Variants in NPHP4 observed in about 807,000 individuals in gnomAD.
The protein encoded by NPHP4 is nephrocystin-4.
A neutral mutation model predicts 155.8 loss-of-function variants in NPHP4; 151 were observed. The ratio of observed to expected loss-of-function variants is 0.97; its 90% confidence interval spans 0.85 to 1.11. The LOEUF is 1.11. NPHP4 is among the 50% of genes least tolerant of loss of function. The probability of loss-of-function intolerance (pLI) is 0.00; values close to 1 mark genes in which losing one functional copy is unlikely to be tolerated. For missense variants in NPHP4, 1,956 were observed against 1,925.7 expected (o/e 1.02, Z -0.29); for synonymous variants, 845 against 816.8 (o/e 1.03, Z -0.59).
chr1:5,868,039 G>A (rs759062876), intron 23 of NPHP4, 143 bp from the exon 24 acceptor site: 28 of 889,730 alleles, frequency 3.1e-5, no homozygotes, highest in Non-Finnish European at 4.1e-5. Context: ...GTCGGGCATC[G>A]TCAAAGGCAG....
chr1:5,946,135 G>T (rs1016980767), intron 9 of NPHP4, among the ~76,000 whole-genome samples: 1 of 152,096 alleles, frequency 6.6e-6, no homozygotes, highest in Non-Finnish European at 1.5e-5. Flanking sequence ...CCGTGTAGGG[G>T]TCAGTACTAC....
At chr1:5,915,544 G>C (rs1209564251) in intron 11 of NPHP4, among the ~76,000 whole-genome samples, 3 of 152,126 alleles carry the variant, frequency 2.0e-5, no homozygotes, top group Non-Finnish European at 4.4e-5. Flanking sequence ...GAGATCAAGG[G>C]GCAACTGGAT....
intron 16 of NPHP4, among the ~76,000 whole-genome samples, chr1:5,891,261 A>T (rs560798802): frequency 6.6e-6 from 1 of 152,234 alleles, no homozygotes; most frequent in Non-Finnish European, 1.5e-5. Flanking sequence ...TCCCAAAATA[A>T]GATTTATGGT....
At chr1:5,967,084 C>T (rs1651659384) in intron 5 of NPHP4, among the ~76,000 whole-genome samples, 1 of 152,252 alleles carries the variant, frequency 6.6e-6, no homozygotes, top group Non-Finnish European at 1.5e-5. Context: ...CTCATCCCCA[C>T]AAACCAATGC....
chr1:5,969,062 A>G, intron 4 of NPHP4, 25 bp downstream of exon 4: 3 of 1,471,286 alleles, frequency 2.0e-6, no homozygotes, highest in South Asian at 2.5e-5. Context: ...GGAAAACCCC[A>G]GGGTTGTAGA....
At chr1:5,990,746 G>C (rs976353903) in intron 1 of NPHP4, among the ~76,000 whole-genome samples, 1 of 152,192 alleles carries the variant, frequency 6.6e-6, no homozygotes, top group Non-Finnish European at 1.5e-5. Context: ...GGAGAAGAGA[G>C]GCCCAGAGGG....
At chr1:5,950,063 TGTTTAAGAGAGGA>T (rs1404205460) in intron 7 of NPHP4, among the ~76,000 whole-genome samples, 1 of 152,126 alleles carries the variant, frequency 6.6e-6, no homozygotes, top group East Asian at 1.9e-4. Context: ...TGGAGGCAGA[TGTTTAAGAGAGGA>T]GTTTAAGAGA....
At chr1:5,904,212 G>A (rs1225018540) in intron 16 of NPHP4, among the ~76,000 whole-genome samples, 1 of 152,056 alleles carries the variant, frequency 6.6e-6, no homozygotes, top group Non-Finnish European at 1.5e-5. Context: ...CCTTATTTCT[G>A]GACAAACTTA....
chr1:5,938,074 C>T (rs1381045228), intron 9 of NPHP4, among the ~76,000 whole-genome samples: 2 of 152,220 alleles, frequency 1.3e-5, no homozygotes, highest in African/African-American at 4.8e-5. Flanking sequence ...CCGCACACGG[C>T]GGGTGGCACA....
At chr1:5,956,309 C>T (rs756414171) in intron 6 of NPHP4, among the ~76,000 whole-genome samples, 14 of 152,332 alleles carry the variant, frequency 9.2e-5, no homozygotes, top group Non-Finnish European at 1.5e-4. Context: ...AGGGTGCACA[C>T]GCACCCCCAG....
intron 6 of NPHP4, among the ~76,000 whole-genome samples, chr1:5,955,502 T>C (rs942096003): frequency 2.0e-5 from 3 of 152,214 alleles, no homozygotes; most frequent in Admixed American, 2.0e-4. Flanking sequence ...CATCAATGGA[T>C]GAATGCATAA....
At chr1:5,870,327 G>A (rs1447153385) in intron 23 of NPHP4, among the ~76,000 whole-genome samples, 1 of 152,154 alleles carries the variant, frequency 6.6e-6, no homozygotes, top group Non-Finnish European at 1.5e-5. Flanking sequence ...AATAATGATA[G>A]TAACAAAATG....
rs774015371 is a variant in NPHP4, at chr1:5,905,591, A to G, written c.1763+41T>C. ...ACAAGGTCCAACAGTCTGACGGCAC[A>G]GCACGTGACTGGTTCCATCCCACCC... On this transcript the variant is annotated intron_variant, in intron 14 of 29. Transcript: ENST00000378156. The surrounding 1 kb of genome is among the most constrained non-coding windows in gnomAD (Gnocchi z 4.0). 6.2e-7 allele frequency: 1 copy of G among 1,612,112 alleles called. No homozygotes were observed. The highest frequency in any genetic ancestry group is 1.7e-5 in the Admixed American group (1 of 59,850).
intron 6 of NPHP4, among the ~76,000 whole-genome samples, chr1:5,956,170 C>T (rs1288991814): frequency 6.6e-6 from 1 of 152,102 alleles, no homozygotes; most frequent in Non-Finnish European, 1.5e-5. Context: ...ATGGGTGCCC[C>T]ATCTCAAGAG....
At chr1:5,945,578 A>G (rs1032922831) in intron 9 of NPHP4, among the ~76,000 whole-genome samples, 16 of 151,942 alleles carry the variant, frequency 1.1e-4, no homozygotes, top group Non-Finnish European at 1.3e-4. Flanking sequence ...GAAACACCAA[A>G]TGGCAGCTAC....
At position 5,862,915 on chromosome 1, in the gene NPHP4, G is replaced by A. The variant is rs900343048; in HGVS notation, c.*350C>T. 1 of 286,856 alleles carries A rather than the reference G, an allele frequency of 3.5e-6. No homozygotes were observed. Among genetic ancestry groups the A allele is most frequent in the Non-Finnish European group, 6.7e-6 (1 of 148,772 alleles). The allele number at this position is 286,856 out of a possible 1,614,324, so 17.8% of individuals were successfully genotyped here. ...ATAGATTATGTTTGTACAAAATCCA[G>A]TAAGAAAAACATAATTTTCTCATTT... is the stretch of plus-strand genomic sequence containing the variant. On this transcript the variant is annotated 3_prime_UTR_variant, in exon 30 of 30. Transcript: ENST00000378156.
rs1425563279 is a variant in NPHP4 at position 5,910,870 on chromosome 1, G to T, written c.1442-1657C>A. On this transcript the variant is annotated intron_variant, in intron 11 of 29. Transcript: ENST00000378156. The surrounding 1 kb of genome is among the most constrained non-coding windows in gnomAD (Gnocchi z 5.4). ...AACCCTGCTAAGGGCCTGTGGATGG[G>T]TGGAAGGCATTGGGGCAAGGCCAGA... Among the ~76,000 whole-genome samples the T allele has an allele frequency of 6.6e-6, 1 of 152,200 alleles. No individual in the cohort carries two copies. Among genetic ancestry groups the T allele is most frequent in the Non-Finnish European group, 1.5e-5 (1 of 68,030 alleles).
Position 5,933,329 on chromosome 1 carries a change from C to T in NPHP4, c.1120G>A (p.Ala374Thr). The change falls in exon 10 of 30, where the codon GCA becomes ACA. Residue 374 changes from alanine to threonine, a missense_variant and splice_region_variant. Ala to Thr is a moderately conservative substitution (Grantham distance 58). Coordinates refer to ENST00000378156, the MANE Select transcript of NPHP4 (RefSeq NM_015102.5). ...TTGGACAGAGAGGTGACCGAAGCTG[C>T]CTAGAATTAAAACAAAGCACATCGG... ...FSSPAGVDGN[A>T]ASVTSLSNLA... The T allele has an allele frequency of 1.2e-6, 2 of 1,611,706 alleles. No homozygotes were observed. Among genetic ancestry groups the T allele is most frequent in the Non-Finnish European group, 1.7e-6 (2 of 1,179,358 alleles).
chr1:5,908,856 C>T (rs1310865976), intron 12 of NPHP4, among the ~76,000 whole-genome samples: 1 of 152,202 alleles, frequency 6.6e-6, no homozygotes, highest in East Asian at 1.9e-4. Flanking sequence ...AAAGGCCGTC[C>T]AGTCCTGAGA....
Sources: allele counts gnomAD v4.1 joint callset (sites outside exome capture counted in the v4.1 genomes callset), GRCh38; gene constraint gnomAD v4.1.1; non-coding constraint Gnocchi (gnomAD v3.1); transcripts MANE v1.5; gene names NCBI Gene and HGNC (gene_info 2026-07-23, HGNC 2026-07-21).